Variants in OSBP2 observed in about 807,000 individuals in gnomAD.
The protein encoded by OSBP2 is oxysterol binding protein 2.
Under a neutral mutation model 96.0 loss-of-function variants are expected in OSBP2, and 66 were observed. The ratio of observed to expected loss-of-function variants is 0.69; its 90% confidence interval spans 0.56 to 0.84. OSBP2 has a LOEUF of 0.84. Among genes scored for constraint, OSBP2 ranks in the 40% least tolerant of loss-of-function variants. The probability of loss-of-function intolerance (pLI) is 0.00; values close to 1 mark genes in which losing one functional copy is unlikely to be tolerated. For missense variants in OSBP2, 1,038 were observed against 1,222.7 expected, an observed-to-expected ratio of 0.85 and a Z score of 2.25; for synonymous variants, 525 against 520.9, an observed-to-expected ratio of 1.01 and a Z score of -0.11.
intron 1 of OSBP2, among the ~76,000 whole-genome samples, chr22:30,697,576 C>T (rs186163367): frequency 6.6e-6 from 1 of 152,292 alleles, no homozygotes; most frequent in Non-Finnish European, 1.5e-5. Flanking sequence ...AGACGGTTGA[C>T]ATTTCAGAGT....
At chr22:30,724,374 C>T (rs2089606549) in intron 1 of OSBP2, among the ~76,000 whole-genome samples, 1 of 152,226 alleles carries the variant, frequency 6.6e-6, no homozygotes, top group South Asian at 2.1e-4. Flanking sequence ...CTTGCCACCA[C>T]ACCCGGCTAG....
At position 30,898,884 on chromosome 22, in the gene OSBP2, TAATAAA is replaced by T. The variant is rs1378056567; in HGVS notation, c.2375+4885_2375+4890del. Among the ~76,000 whole-genome samples the T allele has an allele frequency of 7.4e-5, 11 of 148,444 alleles. No homozygotes were observed. The East Asian group carries it at 2.1e-3, about 29-fold the overall frequency. ...ATATTAATAATAATAATAATAATAATAATAAAAGCAGAAATCAATTAAAAAAACAAA... is the reference window on the plus strand; with the variant it reads ...ATATTAATAATAATAATAATAATAATAGCAGAAATCAATTAAAAAAACAAA... On this transcript the variant is annotated intron_variant, in intron 12 of 13. Transcript: ENST00000332585.
At chr22:30,802,845 C>G (rs1243457591) in intron 2 of OSBP2, among the ~76,000 whole-genome samples, 1 of 152,216 alleles carries the variant, frequency 6.6e-6, no homozygotes. Flanking sequence ...CGCGCCCTTG[C>G]AGCGCTCAGG....
intron 1 of OSBP2, among the ~76,000 whole-genome samples, chr22:30,717,649 C>G (rs2089485688): frequency 6.6e-6 from 1 of 152,196 alleles, no homozygotes; most frequent in South Asian, 2.1e-4. Context: ...AAGTCAAAAG[C>G]AGATCCTTAG....
chr22:30,825,365 G>A (rs1474303992), intron 2 of OSBP2, among the ~76,000 whole-genome samples: 3 of 152,148 alleles, frequency 2.0e-5, no homozygotes, highest in Non-Finnish European at 2.9e-5. Context: ...GCGTATGCCT[G>A]TAATCCCAGC....
At chr22:30,705,454 C>T (rs752407268) in intron 1 of OSBP2, among the ~76,000 whole-genome samples, 15 of 152,062 alleles carry the variant, frequency 9.9e-5, no homozygotes, top group Non-Finnish European at 1.3e-4. Flanking sequence ...CCACCATGCC[C>T]GGCTAATTTT....
At chr22:30,702,319 A>G (rs1406802654) in intron 1 of OSBP2, among the ~76,000 whole-genome samples, 1 of 152,116 alleles carries the variant, frequency 6.6e-6, no homozygotes, top group Non-Finnish European at 1.5e-5. Flanking sequence ...TTCTCTTTCA[A>G]TAGTACCTTC....
At chr22:30,748,968 T>C in intron 2 of OSBP2, among the ~76,000 whole-genome samples, 1 of 152,000 alleles carries the variant, frequency 6.6e-6, no homozygotes, top group East Asian at 1.9e-4. Context: ...ATACAAAAAT[T>C]AGCTGGGCAT....
At chr22:30,858,699 T>A (rs905203360) in intron 2 of OSBP2, among the ~76,000 whole-genome samples, 1 of 150,770 alleles carries the variant, frequency 6.6e-6, no homozygotes, top group Non-Finnish European at 1.5e-5. Flanking sequence ...GCCAGCATGG[T>A]AAAACCCCGT....
At chr22:30,780,355 C>T (rs1421885919) in intron 2 of OSBP2, among the ~76,000 whole-genome samples, 1 of 152,212 alleles carries the variant, frequency 6.6e-6, no homozygotes, top group African/African-American at 2.4e-5. Flanking sequence ...CGACCTCATC[C>T]GTGAGTTTTC....
rs566455411 is a variant in OSBP2 at position 30,713,753 on chromosome 22, A to T, written c.644+18200A>T. Among the ~76,000 whole-genome samples, 137 of 152,306 alleles carry T rather than the reference A, an allele frequency of 9.0e-4. 1 individual carries two copies. Among genetic ancestry groups the T allele is most frequent in the Non-Finnish European group, 1.6e-3 (112 of 68,036 alleles). ...ACTGAGATTACAGATGTGAGCTATT[A>T]CAGTCAACCTAAAATTGTTTTCATT... On this transcript the variant is annotated intron_variant, in intron 1 of 13. Transcript: ENST00000332585.
intron 2 of OSBP2, among the ~76,000 whole-genome samples, chr22:30,757,252 T>A (rs938048601): frequency 6.6e-6 from 1 of 152,136 alleles, no homozygotes; most frequent in African/African-American, 2.4e-5. Flanking sequence ...GATCCACAGC[T>A]GAGCCCCTCA....
intron 7 of OSBP2, 73 bp downstream of exon 7, chr22:30,889,709 G>A (rs971476041): frequency 3.5e-6 from 5 of 1,430,302 alleles, no homozygotes; most frequent in Non-Finnish European, 4.9e-6. Context: ...GAGCAGTAAT[G>A]GCCTGTGTGA....
chr22:30,858,216 G>T (rs948173295), intron 2 of OSBP2, among the ~76,000 whole-genome samples: 2 of 148,100 alleles, frequency 1.4e-5, no homozygotes, highest in African/African-American at 2.6e-5. Flanking sequence ...GCGCAATCTC[G>T]GCTCACTGCA....
chr22:30,831,277 CTTG>C (rs1463626867), intron 2 of OSBP2, among the ~76,000 whole-genome samples: 2 of 152,182 alleles, frequency 1.3e-5, no homozygotes, highest in East Asian at 3.8e-4. Context: ...TATAATGTGC[CTTG>C]TTTTCACTTG....
intron 1 of OSBP2, among the ~76,000 whole-genome samples, chr22:30,728,245 A>C (rs546952174): frequency 1.3e-5 from 2 of 151,780 alleles, no homozygotes; most frequent in South Asian, 4.2e-4. Flanking sequence ...AAATACAAAA[A>C]ATTAGCCAGA....
intron 2 of OSBP2, among the ~76,000 whole-genome samples, chr22:30,779,996 T>C (rs1389125609): frequency 6.6e-6 from 1 of 152,220 alleles, no homozygotes; most frequent in Non-Finnish European, 1.5e-5. Flanking sequence ...TTTTTCCTTT[T>C]AGATGTGTAT....
chr22:30,809,295 T>C (rs1221580559), intron 2 of OSBP2, among the ~76,000 whole-genome samples: 1 of 152,164 alleles, frequency 6.6e-6, no homozygotes, highest in Non-Finnish European at 1.5e-5. Flanking sequence ...CTGGATATTT[T>C]TCAGGGAGAC....
intron 1 of OSBP2, among the ~76,000 whole-genome samples, chr22:30,707,079 T>TG (rs1001169767): frequency 5.3e-5 from 8 of 152,060 alleles, no homozygotes; most frequent in Non-Finnish European, 1.0e-4. Context: ...GCCTTATACT[T>TG]GAAAGACTCT....
Sources: allele counts gnomAD v4.1 joint callset (sites outside exome capture counted in the v4.1 genomes callset), GRCh38; gene constraint gnomAD v4.1.1; transcripts MANE v1.5; gene names NCBI Gene and HGNC (gene_info 2026-07-23, HGNC 2026-07-21).